PORCN: variants seen among roughly 807,000 people sequenced by gnomAD.
The protein encoded by PORCN is protein-serine O-palmitoleoyltransferase porcupine.
In PORCN, 1 loss-of-function variant was observed where a neutral mutation model predicts 43.0. The ratio of observed to expected loss-of-function variants is 0.02; its 90% CI spans 0.01 to 0.11. PORCN has a LOEUF of 0.11. Among genes scored for constraint, PORCN ranks in the 10% least tolerant of loss-of-function variants. The pLI is 1.00. For synonymous variants in PORCN, 148 were observed against 166.4 expected, an observed-to-expected ratio of 0.89 and a Z score of 0.85; for missense variants, 240 against 392.1, an observed-to-expected ratio of 0.61 and a Z score of 3.28.
chrX:48,513,345 T>A (rs189840137), intron 7 of PORCN, among the ~76,000 whole-genome samples: 1 of 112,292 alleles, frequency 8.9e-6, no homozygotes, highest in East Asian at 2.8e-4. Context: ...CTGTGGCATG[T>A]CATATGCCTG....
Position 48,512,690 on chromosome X carries a change from C to A in PORCN, c.657C>A (p.Ile219=), listed in dbSNP as rs782270145. ...GCCCCTACCTCTTCCCGTACTTCATCCCCCTCAACGGTGACCGCCTCCTTC... is the reference window on the plus strand; with the variant it reads ...GCCCCTACCTCTTCCCGTACTTCATACCCCTCAACGGTGACCGCCTCCTTC... ...CVGPYLFPYF[I]PLNGDRLLRN... is the part of the protein sequence containing the mutation. Residue 219 remains isoleucine, a synonymous_variant, in exon 6 of 15, where the codon ATC becomes ATA. Coordinates refer to ENST00000326194, the MANE Select transcript of PORCN (RefSeq NM_203475.3). 9.1e-6 allele frequency: 11 copies of A among 1,211,913 alleles called. No individual in the cohort carries two copies. Among genetic ancestry groups the A allele is most frequent in the Non-Finnish European group, 1.1e-5 (10 of 895,411 alleles).
At chrX:48,516,220 T>G (rs1329262525) in intron 13 of PORCN, 74 bp downstream of exon 13, 1 of 995,443 alleles carries the variant, frequency 1.0e-6, no homozygotes, top group African/African-American at 1.9e-5. Context: ...CTATCTTGTA[T>G]GTGTCTCAGG....
intron 10 of PORCN, chrX:48,515,307 G>C (rs782619455): frequency 1.9e-5 from 5 of 257,384 alleles, no homozygotes; most frequent in Non-Finnish European, 3.6e-5. Flanking sequence ...AAGAGGGATC[G>C]AGGATGCAGC....
At chrX:48,509,537 T>G (rs1178549826) in intron 1 of PORCN, 2 of 1,063,750 alleles carry the variant, frequency 1.9e-6, no homozygotes, top group African/African-American at 1.9e-5. Flanking sequence ...TTCACAGCAC[T>G]GGAGAGACAG....
Position 48,517,711 on chromosome X carries a change from C to T in PORCN, c.1284+418C>T, listed in dbSNP as rs1445637164. Among the ~76,000 whole-genome samples, 6 of 109,500 alleles carry T rather than the reference C, an allele frequency of 5.5e-5. No individual in the cohort carries two copies. The East Asian group carries it at 1.1e-3, about 21-fold the overall frequency. On this transcript the variant is annotated intron_variant, in intron 14 of 14. Coordinates refer to ENST00000326194, the MANE Select transcript of PORCN (RefSeq NM_203475.3). ...GCATGCACCTGTAATTCCAGCTACT[C>T]GGGAGGCTAAGGCAGGAGAATCACT...
At chrX:48,510,043 C>G in intron 2 of PORCN, 87 bp downstream of exon 2, 1 of 760,075 alleles carries the variant, frequency 1.3e-6, no homozygotes, top group South Asian at 2.2e-5. Context: ...CTTACCCTGT[C>G]ACATCCTGCC....
At chrX:48,512,111 C>T (rs1038648677) in intron 4 of PORCN, 176 bp downstream of exon 4, 5 of 545,439 alleles carry the variant, frequency 9.2e-6, no homozygotes, top group African/African-American at 2.3e-5. Flanking sequence ...TGCATTTTCC[C>T]GAAGTCTGTC....
chrX:48,514,529 C>T lies in PORCN; in HGVS notation c.850C>T (p.Leu284=), dbSNP rs781980192. ...GCATATCTCTTCTGCCCCCAGGGAC[C>T]TGACGGTGTCCAAGCCACTGAATGT... ...TEEKDHLEWD[L]TVSKPLNVEL... The change falls in exon 10 of 15, where the codon CTG becomes TTG. Residue 284 remains leucine, a synonymous_variant. Transcript: ENST00000326194. 4 of 1,210,444 alleles carry T rather than the reference C, an allele frequency of 3.3e-6. No homozygotes were observed. The highest frequency in any genetic ancestry group is 4.5e-6 in the Non-Finnish European group (4 of 894,145).
intron 5 of PORCN, 38 bp downstream of exon 5, chrX:48,512,545 G>A (rs1241044610): frequency 8.3e-7 from 1 of 1,207,173 alleles, no homozygotes; most frequent in Non-Finnish European, 1.1e-6. Flanking sequence ...GGGACTGTGG[G>A]AGCCACCCTG....
At position 48,511,581 on chromosome X, in the gene PORCN, G is replaced by A. The variant is rs111771187; in HGVS notation, c.329+94G>A. The A allele has an allele frequency of 0.078, 62,389 of 804,599 alleles. 1,909 individuals carry two copies. Among genetic ancestry groups the A allele is most frequent in the Middle Eastern group, 0.16 (577 of 3,583 alleles). The allele number at this position is 804,599 out of a possible 1,213,427, so 66.3% of individuals were successfully genotyped here. ...GAAGTTGTCCAAGACAGGGAGGGTG[G>A]TGAGATTCCCCGGAGAAAGAAGGGA... On this transcript the variant is annotated intron_variant, in intron 3 of 14. Coordinates refer to ENST00000326194, the MANE Select transcript of PORCN (RefSeq NM_203475.3).
At chrX:48,514,842 A>G (rs113448887) in intron 10 of PORCN, among the ~76,000 whole-genome samples, 2 of 111,849 alleles carry the variant, frequency 1.8e-5, no homozygotes, top group African/African-American at 3.3e-5. Context: ...AAAAATTTTT[A>G]AAAAAGCAGG....
chrX:48,515,552 G>A (rs1556975048), intron 10 of PORCN, 165 bp from the exon 11 acceptor site: 6 of 498,973 alleles, frequency 1.2e-5, no homozygotes, highest in African/African-American at 1.2e-4. Context: ...GGAGCAGGCT[G>A]GGAAGATCGG....
intron 7 of PORCN, among the ~76,000 whole-genome samples, chrX:48,513,241 A>G (rs1244141449): frequency 7.1e-5 from 8 of 112,689 alleles, no homozygotes; most frequent in African/African-American, 2.3e-4. Flanking sequence ...TGGCTGTGCC[A>G]TCATCAGTGA....
At chrX:48,513,708 G>T (rs782736140) in intron 7 of PORCN, among the ~76,000 whole-genome samples, 59 of 112,311 alleles carry the variant, frequency 5.3e-4, no homozygotes, top group African/African-American at 1.6e-3. Flanking sequence ...TAGTAGGGGG[G>T]GTGTGTGTGT....
At position 48,509,931 on chromosome X, in the gene PORCN, C is replaced by T; in HGVS notation, c.111C>T (p.Leu37=). ...DQIWLLLAIC[L]ACRLLWRLGL... Reference sequence around the variant, plus strand: ...TCTGGCTGCTCCTTGCCATCTGCCTCGCCTGCCGCCTCCTCTGGAGGCTCG... The same window carrying T: ...TCTGGCTGCTCCTTGCCATCTGCCTTGCCTGCCGCCTCCTCTGGAGGCTCG... The change falls in exon 2 of 15, where the codon CTC becomes CTT. Residue 37 remains leucine (L), a synonymous_variant. Coordinates refer to ENST00000326194, the MANE Select transcript of PORCN (RefSeq NM_203475.3). The T allele has an allele frequency of 3.3e-6, 4 of 1,210,829 alleles. No homozygotes were observed. Among genetic ancestry groups the T allele is most frequent in the Non-Finnish European group, 4.5e-6 (4 of 894,747 alleles).
chrX:48,511,224 T>C (rs2092450868), intron 2 of PORCN, 71 bp from the exon 3 acceptor site: 1 of 457,094 alleles, frequency 2.2e-6, no homozygotes. Flanking sequence ...CTCCCTCCCT[T>C]CCTCCCACTC....
chrX:48,513,492 T>A (rs1320923559), intron 7 of PORCN, among the ~76,000 whole-genome samples: 1 of 111,721 alleles, frequency 9.0e-6, no homozygotes, highest in Non-Finnish European at 1.9e-5. Context: ...GACTATAGGG[T>A]TTGATCTGGC....
rs368248747 is a variant in PORCN, at chrX:48,520,597, AACACACACAC to A, written c.*137_*146del. ...CTCCATCCTTGACCCCCAACACCTC[AACACACACAC>A]ACACACACACACACAAAATCACACC... On this transcript the variant is annotated 3_prime_UTR_variant, in exon 15 of 15. Transcript: ENST00000326194. 7 of 484,965 alleles carry A rather than the reference AACACACACAC, an allele frequency of 1.4e-5. No homozygotes were observed. Among genetic ancestry groups the A allele is most frequent in the South Asian group, 7.7e-5 (3 of 38,748 alleles). The allele number at this position is 484,965 out of a possible 1,213,427, so 40.0% of individuals were successfully genotyped here.
intron 10 of PORCN, among the ~76,000 whole-genome samples, chrX:48,515,055 G>A (rs1405163353): frequency 1.8e-5 from 2 of 112,118 alleles, no homozygotes; most frequent in Non-Finnish European, 1.9e-5. Flanking sequence ...GTCCTGAGGC[G>A]GGAACTTGCC....
Sources: gnomAD v4.1 joint callset for allele counts (sites outside exome capture counted in the v4.1 genomes callset) on GRCh38, gnomAD v4.1.1 for gene constraint, MANE v1.5 for transcripts, NCBI Gene and HGNC (gene_info 2026-07-23, HGNC 2026-07-21) for gene names.